GPC6: variants seen among roughly 807,000 people sequenced by gnomAD.
The protein encoded by GPC6 is glypican 6.
GPC6 carries 14 observed loss-of-function variants against 55.2 expected under a neutral mutation model. The ratio of observed to expected loss-of-function variants is 0.25; its 90% confidence interval spans 0.17 to 0.40. GPC6 has a LOEUF of 0.40. Ranked by LOEUF, GPC6 falls within the 10% of genes least tolerant of loss-of-function variation. The pLI, the probability that GPC6 is intolerant of heterozygous loss-of-function variation, is 1.00. For missense variants in GPC6, 641 were observed against 708.5 expected (o/e 0.90, Z 1.08); for synonymous variants, 278 against 259.6 (o/e 1.07, Z -0.68).
chr13:93,656,948 A>G (rs1251440892), intron 2 of GPC6, among the ~76,000 whole-genome samples: 1 of 152,068 alleles, frequency 6.6e-6, no homozygotes, highest in Non-Finnish European at 1.5e-5. Flanking sequence ...GCTGAAAAAA[A>G]TTAGAGATGA....
At position 93,280,255 on chromosome 13, in the gene GPC6, A is replaced by G. The variant is rs928347650; in HGVS notation, c.160+52639A>G. 2.6e-5 allele frequency among the ~76,000 whole-genome samples: 4 copies of G among 152,270 alleles called. No homozygotes were observed. In the East Asian group the frequency reaches 7.7e-4, roughly 29 times the overall value. Reference sequence around the variant, plus strand: ...TTTCTGATGCCAAGAACAGTGATAGATCTACATTAATTCCCCAAATAAATT... The same window carrying G: ...TTTCTGATGCCAAGAACAGTGATAGGTCTACATTAATTCCCCAAATAAATT... On this transcript the variant is annotated intron_variant, in intron 1 of 8. Transcript: ENST00000377047.
intron 1 of GPC6, among the ~76,000 whole-genome samples, chr13:93,542,127 G>C (rs1361447507): frequency 6.6e-6 from 1 of 152,160 alleles, no homozygotes; most frequent in African/African-American, 2.4e-5. Context: ...CTAATGCCTA[G>C]GTTTTATTCT....
rs1472511259 is a variant in GPC6 at position 93,395,169 on chromosome 13, T to A, written c.161-150094T>A. On this transcript the variant is annotated intron_variant, in intron 1 of 8. Transcript: ENST00000377047. Reference sequence around the variant, plus strand: ...TCACTACTACCATATCCACCACCACTATGGCTACCATCAAAGTCACTGCAA... The same window carrying A: ...TCACTACTACCATATCCACCACCACAATGGCTACCATCAAAGTCACTGCAA... The A allele has an allele frequency of 1.4e-5, 4 of 287,940 alleles. No individual in the cohort carries two copies. The East Asian group carries it at 3.2e-4, about 23-fold the overall frequency. The allele number at this position is 287,940 out of a possible 1,614,324, so 17.8% of individuals were successfully genotyped here.
intron 1 of GPC6, among the ~76,000 whole-genome samples, chr13:93,432,598 C>T (rs963433550): frequency 2.6e-5 from 4 of 152,068 alleles, no homozygotes; most frequent in Admixed American, 2.6e-4. Flanking sequence ...GTAGTTTAAA[C>T]CACAATGGCG....
intron 2 of GPC6, among the ~76,000 whole-genome samples, chr13:93,603,276 G>A (rs1878101767): frequency 6.6e-6 from 1 of 152,046 alleles, no homozygotes; most frequent in South Asian, 2.1e-4. Context: ...CCAAATACTG[G>A]GATTGCAGGC....
intron 2 of GPC6, among the ~76,000 whole-genome samples, chr13:93,626,958 A>C (rs1053222255): frequency 1.3e-5 from 2 of 152,148 alleles, no homozygotes; most frequent in Admixed American, 6.6e-5. Flanking sequence ...GGCATGTCTT[A>C]CATGGCTGGA....
At chr13:94,344,115 G>A (rs1396916004) in intron 6 of GPC6, among the ~76,000 whole-genome samples, 1 of 152,156 alleles carries the variant, frequency 6.6e-6, no homozygotes, top group Non-Finnish European at 1.5e-5. Context: ...TTTATTGACG[G>A]TGTTCTCACA....
intron 2 of GPC6, among the ~76,000 whole-genome samples, chr13:93,731,294 C>G (rs2138836556): frequency 6.6e-6 from 1 of 152,274 alleles, no homozygotes; most frequent in East Asian, 1.9e-4. Flanking sequence ...CACTACATCA[C>G]AAAACTCTCA....
intron 4 of GPC6, among the ~76,000 whole-genome samples, chr13:94,146,838 G>A (rs764302497): frequency 2.0e-5 from 3 of 152,116 alleles, no homozygotes; most frequent in African/African-American, 4.8e-5. Context: ...TAAAATGAGC[G>A]TTGATAATTA....
intron 6 of GPC6, among the ~76,000 whole-genome samples, chr13:94,340,191 A>G (rs1295979695): frequency 1.3e-5 from 2 of 152,224 alleles, no homozygotes; most frequent in Non-Finnish European, 2.9e-5. Context: ...GGAGAAACTT[A>G]AAACTCCTGG....
chr13:94,099,328 A>G (rs1885772520), intron 4 of GPC6, among the ~76,000 whole-genome samples: 2 of 152,134 alleles, frequency 1.3e-5, no homozygotes, highest in Admixed American at 6.6e-5. Context: ...TGTTGTGTAC[A>G]TTATATGTTC....
chr13:93,693,599 C>T (rs1173475603), intron 2 of GPC6, among the ~76,000 whole-genome samples: 1 of 151,998 alleles, frequency 6.6e-6, no homozygotes, highest in African/African-American at 2.4e-5. Flanking sequence ...CCACCTCAGC[C>T]TCCTGAGCAG....
At chr13:94,266,406 G>A (rs982644159) in intron 4 of GPC6, among the ~76,000 whole-genome samples, 3 of 152,126 alleles carry the variant, frequency 2.0e-5, no homozygotes, top group South Asian at 2.1e-4. Flanking sequence ...CTGACCTCGT[G>A]ATCCGCCCGC....
At chr13:93,938,920 G>A (rs1016556494) in intron 3 of GPC6, among the ~76,000 whole-genome samples, 9 of 151,998 alleles carry the variant, frequency 5.9e-5, no homozygotes, top group African/African-American at 2.2e-4. Flanking sequence ...GGGCCAACAC[G>A]GTGAAACCCC....
At chr13:93,919,216 G>A (rs1278254756) in intron 3 of GPC6, among the ~76,000 whole-genome samples, 43 of 152,150 alleles carry the variant, frequency 2.8e-4, no homozygotes, top group Admixed American at 2.8e-3. Context: ...TGTGCAGCCT[G>A]CAGAGCCATG....
Position 94,139,500 on chromosome 13 carries a change from C to T in GPC6, c.877+111606C>T, listed in dbSNP as rs115225250. On this transcript the variant is annotated intron_variant, in intron 4 of 8. Coordinates refer to ENST00000377047, the MANE Select transcript of GPC6 (RefSeq NM_005708.5). ...ATCTCTCATTTCTTCTGTCATCTTG[C>T]TTCTGCCTCATCTGCCAAGTATCTT... Among the ~76,000 whole-genome samples, 798 of 152,272 alleles carry T rather than the reference C, an allele frequency of 5.2e-3. 9 individuals carry two copies. The highest frequency in any genetic ancestry group is 0.019 in the African/African-American group (781 of 41,572).
intron 3 of GPC6, among the ~76,000 whole-genome samples, chr13:94,000,573 G>A (rs1299026771): frequency 6.6e-6 from 1 of 152,058 alleles, no homozygotes; most frequent in East Asian, 1.9e-4. Flanking sequence ...ATTCCAAGTT[G>A]GACAGTTGGA....
chr13:93,698,717 TACTC>T (rs1234180907), intron 2 of GPC6, among the ~76,000 whole-genome samples: 1 of 152,016 alleles, frequency 6.6e-6, no homozygotes, highest in African/African-American at 2.4e-5. Context: ...TTTATTTACT[TACTC>T]ACTTACCGAT....
intron 4 of GPC6, among the ~76,000 whole-genome samples, chr13:94,189,548 A>G (rs1889314396): frequency 6.6e-6 from 1 of 152,250 alleles, no homozygotes; most frequent in Admixed American, 6.5e-5. Context: ...AATTAGCAAC[A>G]GGTGATAGAT....
Sources: gnomAD v4.1 joint callset for allele counts (sites outside exome capture counted in the v4.1 genomes callset) on GRCh38, gnomAD v4.1.1 for gene constraint, MANE v1.5 for transcripts, NCBI Gene and HGNC (gene_info 2026-07-23, HGNC 2026-07-21) for gene names.